LRRTM3: variants seen among roughly 807,000 people sequenced by gnomAD.
LRRTM3 encodes leucine-rich repeat transmembrane neuronal protein 3.
In LRRTM3, 24 loss-of-function variants were observed where a neutral mutation model predicts 44.7. The ratio of observed to expected loss-of-function variants is 0.54; its 90% confidence interval spans 0.39 to 0.76. The LOEUF (loss-of-function observed/expected upper bound fraction) is 0.76, where lower values mean the gene tolerates loss of function less well. Among genes scored for constraint, LRRTM3 ranks in the 30% least tolerant of loss-of-function variants. LRRTM3 has a pLI of 0.00. For synonymous variants in LRRTM3, 277 were observed against 278.7 expected (o/e 0.99, Z 0.06); for missense variants, 587 against 702.2 (o/e 0.84, Z 1.85).
chr10:66,931,761 G>A (rs981809995), intron 2 of LRRTM3, among the ~76,000 whole-genome samples: 2 of 152,072 alleles, frequency 1.3e-5, no homozygotes, highest in Non-Finnish European at 2.9e-5. Flanking sequence ...TGGAACAGAG[G>A]CCATAGAATT....
At chr10:67,082,722 A>C (rs1857113020) in intron 2 of LRRTM3, among the ~76,000 whole-genome samples, 2 of 152,196 alleles carry the variant, frequency 1.3e-5, no homozygotes. Flanking sequence ...TAAAGATAAA[A>C]TAAAGTACTT....
intron 2 of LRRTM3, among the ~76,000 whole-genome samples, chr10:67,023,012 G>C (rs1413073677): frequency 6.6e-6 from 1 of 152,032 alleles, no homozygotes; most frequent in Non-Finnish European, 1.5e-5. Flanking sequence ...GAAATAAATG[G>C]AGAGGTATAA....
At chr10:67,016,736 C>T (rs1390406713) in intron 2 of LRRTM3, among the ~76,000 whole-genome samples, 1 of 152,078 alleles carries the variant, frequency 6.6e-6, no homozygotes, top group Admixed American at 6.5e-5. Flanking sequence ...AATATATGGA[C>T]TTCGTAATTT....
At chr10:67,024,210 C>T (rs1001511396) in intron 2 of LRRTM3, among the ~76,000 whole-genome samples, 5 of 152,190 alleles carry the variant, frequency 3.3e-5, no homozygotes, top group Non-Finnish European at 7.4e-5. Flanking sequence ...CCTCCATCTT[C>T]AAAGCCAGCA....
intron 2 of LRRTM3, among the ~76,000 whole-genome samples, chr10:66,949,145 T>G (rs1848414035): frequency 6.6e-6 from 1 of 152,224 alleles, no homozygotes; most frequent in African/African-American, 2.4e-5. Context: ...TATGAAAGAA[T>G]GCAGGCAAAT....
intron 2 of LRRTM3, among the ~76,000 whole-genome samples, chr10:67,068,895 A>C (rs769042433): frequency 6.6e-6 from 1 of 152,088 alleles, no homozygotes; most frequent in African/African-American, 2.4e-5. Context: ...CCCTGTCTCT[A>C]CTAAAAATAC....
chr10:67,062,194 C>T (rs984893359), intron 2 of LRRTM3, among the ~76,000 whole-genome samples: 2 of 110,228 alleles, frequency 1.8e-5, no homozygotes, highest in Non-Finnish European at 3.8e-5. Context: ...AACGTTAAAA[C>T]CCACAGAGAG....
chr10:66,972,776 T>A (rs909044088), intron 2 of LRRTM3, among the ~76,000 whole-genome samples: 2 of 146,904 alleles, frequency 1.4e-5, no homozygotes, highest in Non-Finnish European at 3.0e-5. Flanking sequence ...AATGGTGCAA[T>A]CTCGGCTCAC....
intron 2 of LRRTM3, among the ~76,000 whole-genome samples, chr10:67,035,203 T>C (rs537256106): frequency 4.4e-4 from 67 of 152,224 alleles, no homozygotes; most frequent in Non-Finnish European, 8.5e-4. Flanking sequence ...ATGTATAGCA[T>C]AGTGCTCTGC....
Position 67,074,800 on chromosome 10 carries a change from GAACAT to G in LRRTM3, c.1537-22779_1537-22775del, listed in dbSNP as rs924871719. 1.2e-4 allele frequency among the ~76,000 whole-genome samples: 18 copies of G among 151,016 alleles called. No individual in the cohort carries two copies. In the South Asian group the frequency reaches 2.1e-3, roughly 18 times the overall value. On this transcript the variant is annotated intron_variant, in intron 2 of 2. Coordinates refer to ENST00000361320, the MANE Select transcript of LRRTM3 (RefSeq NM_178011.5). Reference sequence around the variant, plus strand: ...CCACAAAATACATTCTTAATATTATGAACATAACATAATTTATTTATGTATGTATG... The same window carrying G: ...CCACAAAATACATTCTTAATATTATGAACATAATTTATTTATGTATGTATG...
chr10:67,044,290 A>ATT (rs964598214), intron 2 of LRRTM3, among the ~76,000 whole-genome samples: 202 of 152,344 alleles, frequency 1.3e-3, no homozygotes, highest in African/African-American at 4.5e-3. Flanking sequence ...ATAATTTATT[A>ATT]TTTAACAATT....
intron 2 of LRRTM3, among the ~76,000 whole-genome samples, chr10:66,990,245 C>G (rs1384066899): frequency 6.6e-6 from 1 of 152,138 alleles, no homozygotes; most frequent in Admixed American, 6.6e-5. Context: ...GTCCCATTGT[C>G]TCCCAATATC....
At position 66,955,878 on chromosome 10, in the gene LRRTM3, G is replaced by A. The variant is rs1848763325; in HGVS notation, c.1536+27426G>A. 3.9e-5 allele frequency among the ~76,000 whole-genome samples: 6 copies of A among 152,222 alleles called. No homozygotes were observed. In the South Asian group the frequency reaches 1.2e-3, roughly 32 times the overall value. On this transcript the variant is annotated intron_variant, in intron 2 of 2. Transcript: ENST00000361320. ...TGTCTCACCTTCATCACCAAGATCTGACTGGGGGGTATCTTTCTCTAGTGA... is the reference window on the plus strand; with the variant it reads ...TGTCTCACCTTCATCACCAAGATCTAACTGGGGGGTATCTTTCTCTAGTGA...
chr10:66,935,703 C>T lies in LRRTM3; in HGVS notation c.1536+7251C>T, dbSNP rs147949349. On this transcript the variant is annotated intron_variant, in intron 2 of 2. Transcript: ENST00000361320. ...TGAAGATATTTTGGTATAATTGAGT[C>T]CTTATTATGTACCAGGAATTTGTAT... is the stretch of plus-strand genomic sequence containing the variant. Among the ~76,000 whole-genome samples, 1,253 of 151,798 alleles carry T rather than the reference C, an allele frequency of 8.3e-3. 15 individuals are homozygous for T. Among genetic ancestry groups the T allele is most frequent in the African/African-American group, 0.029 (1,180 of 41,336 alleles).
At chr10:66,926,860 C>A in intron 1 of LRRTM3, 61 bp from the exon 2 acceptor site, 1 of 1,428,616 alleles carries the variant, frequency 7.0e-7, no homozygotes, top group Non-Finnish European at 9.4e-7. Context: ...CCTATTTTTG[C>A]TTGATTAAGG....
chr10:66,947,778 T>G (rs1848348191), intron 2 of LRRTM3, among the ~76,000 whole-genome samples: 1 of 152,164 alleles, frequency 6.6e-6, no homozygotes, highest in Non-Finnish European at 1.5e-5. Context: ...AAGAAAAAAT[T>G]TTAATCACTG....
intron 2 of LRRTM3, among the ~76,000 whole-genome samples, chr10:67,041,739 T>C (rs984604109): frequency 1.3e-5 from 2 of 152,166 alleles, no homozygotes; most frequent in Non-Finnish European, 2.9e-5. Context: ...AGCTAGGCCT[T>C]GATGACTCAT....
intron 2 of LRRTM3, among the ~76,000 whole-genome samples, chr10:66,965,565 GTTT>G (rs33920200): frequency 0.18 from 24,455 of 134,648 alleles, 2,192 homozygotes; most frequent in Middle Eastern, 0.21. Context: ...AAAAAAAGCT[GTTT>G]TTTTTTTTTT....
rs190579045 is a variant in LRRTM3, at chr10:67,098,621, G to A, written c.*825G>A. 6.6e-5 allele frequency: 10 copies of A among 152,386 alleles called. No homozygotes were observed. The highest frequency in any genetic ancestry group is 2.4e-4 in the African/African-American group (10 of 41,498). The allele number at this position is 152,386 out of a possible 1,614,324, so 9.4% of individuals were successfully genotyped here. ...TATTTCATTCTTTTGAGTAACCATTGTTAAGGGTTGGGGGAAAGCATGGAC... is the reference window on the plus strand; with the variant it reads ...TATTTCATTCTTTTGAGTAACCATTATTAAGGGTTGGGGGAAAGCATGGAC... On this transcript the variant is annotated 3_prime_UTR_variant, in exon 3 of 3. Transcript: ENST00000361320.
Sources: gnomAD v4.1 joint callset for allele counts (sites outside exome capture counted in the v4.1 genomes callset) on GRCh38, gnomAD v4.1.1 for gene constraint, MANE v1.5 for transcripts, NCBI Gene and HGNC (gene_info 2026-07-23, HGNC 2026-07-21) for gene names.